The following CDK14 variants were observed in gnomAD, a reference collection of about 807,000 sequenced individuals.
CDK14 encodes the protein cyclin-dependent kinase 14.
In CDK14, 34 loss-of-function variants were observed where a neutral mutation model predicts 60.7. The ratio of observed to expected loss-of-function variants is 0.56; its 90% CI spans 0.43 to 0.75. The LOEUF is 0.75. Ranked by LOEUF, CDK14 falls within the 30% of genes least tolerant of loss-of-function variation. The pLI is 0.00. For missense variants in CDK14, 482 were observed against 564.1 expected (o/e 0.85, Z 1.47); for synonymous variants, 197 against 203.7 (o/e 0.97, Z 0.28).
At chr7:90,676,437 G>A (rs1801198479) in intron 2 of CDK14, among the ~76,000 whole-genome samples, 1 of 152,082 alleles carries the variant, frequency 6.6e-6, no homozygotes, top group Admixed American at 6.6e-5. Context: ...AAGTTGCTGG[G>A]GAGAGGTTGG....
chr7:90,643,460 T>C (rs1189420898), intron 2 of CDK14, among the ~76,000 whole-genome samples: 1 of 152,224 alleles, frequency 6.6e-6, no homozygotes, highest in Non-Finnish European at 1.5e-5. Flanking sequence ...GGGATTGTGA[T>C]GATTTGTTTT....
At chr7:90,647,479 C>T (rs1363828816) in intron 2 of CDK14, among the ~76,000 whole-genome samples, 2 of 150,184 alleles carry the variant, frequency 1.3e-5, no homozygotes, top group Non-Finnish European at 2.9e-5. Flanking sequence ...TTTAAAATCT[C>T]TAAAGAGACT....
At chr7:91,046,687 GT>G (rs1235567886) in intron 11 of CDK14, among the ~76,000 whole-genome samples, 1 of 151,658 alleles carries the variant, frequency 6.6e-6, no homozygotes, top group Non-Finnish European at 1.5e-5. Flanking sequence ...CTTGCTGGTT[GT>G]TGTGTTTTTT....
intron 8 of CDK14, among the ~76,000 whole-genome samples, chr7:90,939,289 T>G (rs1793844665): frequency 6.6e-6 from 1 of 152,232 alleles, no homozygotes; most frequent in Non-Finnish European, 1.5e-5. Context: ...TCTGAAAAAC[T>G]AGGACATGTG....
intron 5 of CDK14, among the ~76,000 whole-genome samples, chr7:90,810,821 AACAG>A (rs1013301884): frequency 6.5e-4 from 99 of 151,984 alleles, no homozygotes; most frequent in African/African-American, 2.3e-3. Context: ...ATACATCAGT[AACAG>A]ACAAACAGAG....
chr7:91,108,200 C>T (rs906036543), intron 12 of CDK14, among the ~76,000 whole-genome samples: 1 of 152,160 alleles, frequency 6.6e-6, no homozygotes, highest in African/African-American at 2.4e-5. Context: ...CTCAGCCACT[C>T]TCAGGCTGAG....
intron 6 of CDK14, among the ~76,000 whole-genome samples, chr7:90,872,656 ATTTTTTTCC>A (rs1562806795): frequency 6.6e-6 from 1 of 151,554 alleles, no homozygotes; most frequent in Non-Finnish European, 1.5e-5. Flanking sequence ...TGAGATATCA[ATTTTTTTCC>A]TGTTTACATC....
intron 3 of CDK14, among the ~76,000 whole-genome samples, chr7:90,739,017 A>G (rs899356233): frequency 1.3e-5 from 2 of 152,162 alleles, no homozygotes; most frequent in African/African-American, 4.8e-5. Flanking sequence ...GCATACTTAA[A>G]ATAGGAGACT....
At chr7:91,163,479 T>A (rs1801233027) in intron 14 of CDK14, among the ~76,000 whole-genome samples, 1 of 152,218 alleles carries the variant, frequency 6.6e-6, no homozygotes, top group Non-Finnish European at 1.5e-5. Flanking sequence ...TTTTTAATAT[T>A]TTTAATTGAC....
At chr7:90,822,793 A>G (rs1440709751) in intron 5 of CDK14, among the ~76,000 whole-genome samples, 1 of 152,218 alleles carries the variant, frequency 6.6e-6, no homozygotes, top group Non-Finnish European at 1.5e-5. Context: ...TGTTGTAATC[A>G]GTATTGTAGT....
intron 2 of CDK14, among the ~76,000 whole-genome samples, chr7:90,716,920 A>G (rs1246487771): frequency 6.6e-6 from 1 of 152,042 alleles, no homozygotes; most frequent in East Asian, 1.9e-4. Flanking sequence ...GGATCTTGTT[A>G]AAATTCAGAT....
At chr7:90,771,867 A>T (rs1348693007) in intron 4 of CDK14, among the ~76,000 whole-genome samples, 1 of 152,122 alleles carries the variant, frequency 6.6e-6, no homozygotes, top group African/African-American at 2.4e-5. Flanking sequence ...TTCACTGGGA[A>T]CCCGTTCCTG....
In CDK14 at chr7:91,030,575, C is replaced by T. The variant is rs376481110; in HGVS notation, c.1042-15322C>T. On this transcript the variant is annotated intron_variant, in intron 10 of 14. Coordinates refer to ENST00000380050, the MANE Select transcript of CDK14 (RefSeq NM_001287135.2). ...CCTCTCAAATGCCCCATCCTAAGTG[C>T]AAGTAGGTGCCCCTGTGAAAGAGGA... Among the ~76,000 whole-genome samples, 4 of 152,204 alleles carry T rather than the reference C, an allele frequency of 2.6e-5. No individual in the cohort carries two copies. In the East Asian group the frequency reaches 7.7e-4, roughly 29 times the overall value.
intron 11 of CDK14, among the ~76,000 whole-genome samples, chr7:91,058,055 ATTTG>A (rs1797644767): frequency 6.6e-6 from 1 of 152,064 alleles, no homozygotes; most frequent in Non-Finnish European, 1.5e-5. Flanking sequence ...ATGTTCTTCC[ATTTG>A]TTTGTATCCT....
chr7:91,036,087 C>T (rs1796925863), intron 10 of CDK14, among the ~76,000 whole-genome samples: 1 of 152,156 alleles, frequency 6.6e-6, no homozygotes, highest in Non-Finnish European at 1.5e-5. Flanking sequence ...TCGTGATCCA[C>T]CCGCCTCGGC....
chr7:90,649,313 C>T (rs13306880), intron 2 of CDK14, among the ~76,000 whole-genome samples: 2,777 of 34,622 alleles, frequency 0.08, 169 homozygotes, highest in African/African-American at 0.16. Context: ...TCTTTCTTTC[C>T]TTCCTTCCTT....
chr7:90,871,809 C>A (rs945025405), intron 6 of CDK14, among the ~76,000 whole-genome samples: 1 of 152,166 alleles, frequency 6.6e-6, no homozygotes, highest in Non-Finnish European at 1.5e-5. Flanking sequence ...TCAGATACTT[C>A]GTGCATGCCG....
intron 4 of CDK14, among the ~76,000 whole-genome samples, chr7:90,763,792 T>A (rs1804427793): frequency 6.6e-6 from 1 of 152,190 alleles, no homozygotes; most frequent in Admixed American, 6.5e-5. Context: ...TGTGCACATG[T>A]ACCTTAGAAC....
At chr7:90,651,865 G>T (rs1334836731) in intron 2 of CDK14, among the ~76,000 whole-genome samples, 1 of 152,104 alleles carries the variant, frequency 6.6e-6, no homozygotes, top group African/African-American at 2.4e-5. Context: ...GGTTATCTGG[G>T]ATGTTGAGTA....
Sources: gnomAD v4.1 joint callset for allele counts (sites outside exome capture counted in the v4.1 genomes callset) on GRCh38, gnomAD v4.1.1 for gene constraint, MANE v1.5 for transcripts, NCBI Gene and HGNC (gene_info 2026-07-23, HGNC 2026-07-21) for gene names.